Variants in LYN observed in about 807,000 individuals in gnomAD.
The protein encoded by LYN is tyrosine-protein kinase Lyn.
In LYN, 12 loss-of-function variants were observed where a neutral mutation model predicts 65.0. The ratio of observed to expected loss-of-function variants is 0.18; its 90% CI spans 0.12 to 0.30. The LOEUF is 0.30. Ranked by LOEUF, LYN falls within the 10% of genes least tolerant of loss-of-function variation. The probability of loss-of-function intolerance (pLI) is 1.00; values close to 1 mark genes in which losing one functional copy is unlikely to be tolerated. For missense variants in LYN, 380 were observed against 623.2 expected (o/e 0.61, Z 4.16); for synonymous variants, 222 against 221.2 (o/e 1.00, Z -0.03).
intron 1 of LYN, among the ~76,000 whole-genome samples, chr8:55,924,876 C>G (rs189652757): frequency 4.8e-4 from 73 of 152,294 alleles, no homozygotes; most frequent in Non-Finnish European, 4.9e-4. Flanking sequence ...TGGAGTCTCT[C>G]TGTTGCCCAG....
intron 3 of LYN, 48 bp from the exon 4 acceptor site, chr8:55,947,570 G>C (rs368716879): frequency 1.4e-6 from 2 of 1,380,920 alleles, no homozygotes; most frequent in Non-Finnish European, 2.1e-6. Context: ...TTGTTAAAAC[G>C]CTTCTGCTGA....
chr8:55,909,431 C>A (rs945283529), intron 1 of LYN, among the ~76,000 whole-genome samples: 1 of 152,188 alleles, frequency 6.6e-6, no homozygotes, highest in Non-Finnish European at 1.5e-5. Flanking sequence ...TGGACATGTT[C>A]AGTCATAATC....
At chr8:55,931,863 A>T (rs1328755661) in intron 1 of LYN, among the ~76,000 whole-genome samples, 1 of 152,208 alleles carries the variant, frequency 6.6e-6, no homozygotes, top group East Asian at 1.9e-4. Flanking sequence ...ATTTTTATTT[A>T]AAAAACTTTA....
At chr8:55,983,672 G>C (rs1807993502) in intron 10 of LYN, among the ~76,000 whole-genome samples, 1 of 152,088 alleles carries the variant, frequency 6.6e-6, no homozygotes, top group South Asian at 2.1e-4. Context: ...GCTATTGTCA[G>C]TCTCACTCCC....
intron 1 of LYN, chr8:55,940,174 C>G (rs1262021268): frequency 1.3e-5 from 2 of 152,226 alleles, no homozygotes; most frequent in Non-Finnish European, 2.9e-5. Context: ...TCCCCCTTCC[C>G]CAAACTCCTG....
chr8:55,928,259 C>T (rs117251957), intron 1 of LYN, among the ~76,000 whole-genome samples: 126 of 152,318 alleles, frequency 8.3e-4, no homozygotes, highest in Non-Finnish European at 1.6e-3. Flanking sequence ...GATTCTCATG[C>T]TTCACCCTCT....
chr8:55,933,597 G>T (rs1306477706), intron 1 of LYN, among the ~76,000 whole-genome samples: 1 of 152,146 alleles, frequency 6.6e-6, no homozygotes, highest in Non-Finnish European at 1.5e-5. Flanking sequence ...TTCATTTTAT[G>T]GTGAGGCAAT....
intron 1 of LYN, among the ~76,000 whole-genome samples, chr8:55,909,891 T>TG (rs1170625271): frequency 6.6e-6 from 1 of 152,192 alleles, no homozygotes; most frequent in Non-Finnish European, 1.5e-5. Flanking sequence ...AGGATTTTTT[T>TG]CATATGCTTG....
intron 1 of LYN, among the ~76,000 whole-genome samples, chr8:55,897,427 A>G (rs1249340425): frequency 6.6e-6 from 1 of 152,218 alleles, no homozygotes; most frequent in South Asian, 2.1e-4. Context: ...GACTTTGCAC[A>G]TGGTGGTTTC....
chr8:55,999,880 A>T (rs574721526), intron 12 of LYN, among the ~76,000 whole-genome samples: 1 of 151,806 alleles, frequency 6.6e-6, no homozygotes, highest in Non-Finnish European at 1.5e-5. Flanking sequence ...CTGAGACAGG[A>T]GAATTGCTTG....
Position 55,937,538 on chromosome 8 carries a change from C to T in LYN, c.-5-4317C>T. On this transcript the variant is annotated intron_variant, in intron 1 of 12. Transcript: ENST00000519728. ...TATAAGTCATGCTAGCGGGAACATC[C>T]TTATGCCCCTGTGCAGTGTATTTAA... is the stretch of plus-strand genomic sequence containing the variant. Among the ~76,000 whole-genome samples, 2 of 152,176 alleles carry T rather than the reference C, an allele frequency of 1.3e-5. 1 individual carries two copies. The highest frequency in any genetic ancestry group is 4.1e-4 in the South Asian group (2 of 4,834).
At chr8:55,892,717 A>G (rs1260557748) in intron 1 of LYN, among the ~76,000 whole-genome samples, 1 of 152,150 alleles carries the variant, frequency 6.6e-6, no homozygotes, top group African/African-American at 2.4e-5. Context: ...CAAAGAAAGA[A>G]TATTTCTGAC....
At chr8:55,904,813 G>A (rs1310736494) in intron 1 of LYN, among the ~76,000 whole-genome samples, 2 of 152,056 alleles carry the variant, frequency 1.3e-5, no homozygotes, top group Non-Finnish European at 2.9e-5. Flanking sequence ...TTCTAGGGTG[G>A]AGCTCAGGGT....
At chr8:55,922,763 A>G (rs1585601767) in intron 1 of LYN, among the ~76,000 whole-genome samples, 1 of 147,376 alleles carries the variant, frequency 6.8e-6, no homozygotes, top group Non-Finnish European at 1.5e-5. Flanking sequence ...GCGAAATTCC[A>G]TCAAAAAAAA....
At chr8:55,946,164 G>C (rs1806769583) in intron 2 of LYN, among the ~76,000 whole-genome samples, 1 of 152,192 alleles carries the variant, frequency 6.6e-6, no homozygotes, top group Admixed American at 6.5e-5. Context: ...TTAGGGCTCT[G>C]TCACCAAAGA....
chr8:55,964,816 C>G (rs1415567827), intron 8 of LYN, among the ~76,000 whole-genome samples: 1 of 152,210 alleles, frequency 6.6e-6, no homozygotes, highest in Non-Finnish European at 1.5e-5. Flanking sequence ...ATTCTACCAG[C>G]CAGGGATAAT....
chr8:55,986,458 G>T (rs1305008209), intron 10 of LYN, among the ~76,000 whole-genome samples: 1 of 152,142 alleles, frequency 6.6e-6, no homozygotes, highest in African/African-American at 2.4e-5. Flanking sequence ...GGTATTCATT[G>T]ACAAACTTTT....
At chr8:55,954,372 T>C (rs1807042145) in intron 8 of LYN, among the ~76,000 whole-genome samples, 1 of 152,222 alleles carries the variant, frequency 6.6e-6, no homozygotes, top group Non-Finnish European at 1.5e-5. Context: ...AAAGCCTCAA[T>C]GTATTACAAT....
At chr8:55,930,263 T>G (rs1200715684) in intron 1 of LYN, among the ~76,000 whole-genome samples, 1 of 152,216 alleles carries the variant, frequency 6.6e-6, no homozygotes, top group Non-Finnish European at 1.5e-5. Context: ...GATACAACAT[T>G]CCACTTCTTT....
Sources: allele counts gnomAD v4.1 joint callset (sites outside exome capture counted in the v4.1 genomes callset), GRCh38; gene constraint gnomAD v4.1.1; transcripts MANE v1.5; gene names NCBI Gene and HGNC (gene_info 2026-07-23, HGNC 2026-07-21).